The following ACTR3C variants were observed in gnomAD, a reference collection of about 807,000 sequenced individuals.
The protein encoded by ACTR3C is actin related protein 3C.
A neutral mutation model predicts 26.3 loss-of-function variants in ACTR3C; 18 were observed. The ratio of observed to expected loss-of-function variants is 0.68; its 90% CI spans 0.47 to 1.01. ACTR3C has a LOEUF of 1.01. Among genes scored for constraint, ACTR3C ranks in the 50% least tolerant of loss-of-function variants. ACTR3C has a pLI of 0.00. For missense variants in ACTR3C, 184 were observed against 250.7 expected, an observed-to-expected ratio of 0.73 and a Z score of 1.80; for synonymous variants, 55 against 94.5, an observed-to-expected ratio of 0.58 and a Z score of 2.42.
the ACTR3C span, among the ~76,000 whole-genome samples, chr7:150,124,250 T>C: frequency 6.6e-6 from 1 of 152,236 alleles, no homozygotes; most frequent in Admixed American, 6.5e-5. Flanking sequence ...TCAATAGAAG[T>C]TGCAGTTCTT....
At chr7:149,917,923 A>T in the ACTR3C span, among the ~76,000 whole-genome samples, 1 of 151,780 alleles carries the variant, frequency 6.6e-6, no homozygotes, top group South Asian at 2.1e-4. Flanking sequence ...TCACAGTTTA[A>T]ACATGGTTTT....
chr7:150,206,719 G>A, the ACTR3C span, among the ~76,000 whole-genome samples: 5 of 152,186 alleles, frequency 3.3e-5, no homozygotes, highest in Non-Finnish European at 5.9e-5. Context: ...ACCGCACCAG[G>A]CGGGTAGAGT....
chr7:150,088,896 T>C, the ACTR3C span, among the ~76,000 whole-genome samples: 2 of 152,180 alleles, frequency 1.3e-5, no homozygotes, highest in Non-Finnish European at 2.9e-5. Flanking sequence ...ATCTCAAGAA[T>C]ACATTTGGCA....
the ACTR3C span, among the ~76,000 whole-genome samples, chr7:149,911,263 C>T: frequency 6.6e-6 from 1 of 151,476 alleles, no homozygotes; most frequent in Non-Finnish European, 1.5e-5. Context: ...ATCCAACAAG[C>T]AGACCAGAAA....
intron 6 of ACTR3C, among the ~76,000 whole-genome samples, chr7:150,283,852 AG>A (rs1835547491): frequency 6.7e-6 from 1 of 150,194 alleles, no homozygotes; most frequent in Non-Finnish European, 1.5e-5. Context: ...GACTCACTCA[AG>A]CAAAGACTGA....
the ACTR3C span, among the ~76,000 whole-genome samples, chr7:150,051,439 C>T: frequency 4.0e-5 from 6 of 149,850 alleles, no homozygotes; most frequent in Admixed American, 6.7e-5. Flanking sequence ...GCAAAAGTAC[C>T]CAATGGGCAT....
chr7:150,167,140 G>C, the ACTR3C span, among the ~76,000 whole-genome samples: 1 of 150,308 alleles, frequency 6.7e-6, no homozygotes, highest in East Asian at 1.9e-4. Context: ...ATATCTCTTT[G>C]ACATACCAAT....
the ACTR3C span, among the ~76,000 whole-genome samples, chr7:150,164,058 T>A: frequency 6.6e-6 from 1 of 152,102 alleles, no homozygotes; most frequent in Non-Finnish European, 1.5e-5. Flanking sequence ...GCTGGCATCA[T>A]AGAAGAACAT....
the ACTR3C span, among the ~76,000 whole-genome samples, chr7:150,210,924 G>A: frequency 6.8e-6 from 1 of 147,200 alleles, no homozygotes; most frequent in Non-Finnish European, 1.5e-5. Flanking sequence ...ATGGTATCCA[G>A]TGTTTGCAAT....
the ACTR3C span, among the ~76,000 whole-genome samples, chr7:150,147,330 T>C: frequency 6.6e-6 from 1 of 151,814 alleles, no homozygotes; most frequent in African/African-American, 2.4e-5. Flanking sequence ...AACAGGGGAA[T>C]AAAAGCAAAA....
chr7:150,172,035 C>G, the ACTR3C span, among the ~76,000 whole-genome samples: 1 of 150,804 alleles, frequency 6.6e-6, no homozygotes, highest in African/African-American at 2.5e-5. Flanking sequence ...TGGTCTCGAT[C>G]TCCTGACCTC....
At chr7:150,042,136 C>CA in the ACTR3C span, among the ~76,000 whole-genome samples, 7 of 57,156 alleles carry the variant, frequency 1.2e-4, no homozygotes, top group Non-Finnish European at 2.0e-4. Flanking sequence ...GTCCTAAGAG[C>CA]CAGTGGGGGA....
the ACTR3C span, among the ~76,000 whole-genome samples, chr7:150,209,465 C>T: frequency 0.035 from 5,152 of 145,578 alleles, 370 homozygotes; most frequent in African/African-American, 0.14. Context: ...CTAGAATTTT[C>T]CTAGTTTTAG....
the ACTR3C span, among the ~76,000 whole-genome samples, chr7:150,110,278 C>G: frequency 3.5e-3 from 533 of 151,446 alleles, no homozygotes; most frequent in African/African-American, 0.012. Context: ...AAAGAGTTGT[C>G]TTTTTGAGCA....
At chr7:150,040,045 C>T in the ACTR3C span, among the ~76,000 whole-genome samples, 29 of 132,456 alleles carry the variant, frequency 2.2e-4, 1 homozygote, top group Non-Finnish European at 3.6e-4. Context: ...TCTGAGTCCC[C>T]GCCTCGCGGG....
chr7:150,094,266 C>T, the ACTR3C span, among the ~76,000 whole-genome samples: 1 of 149,988 alleles, frequency 6.7e-6, no homozygotes. Context: ...GATAACAGAA[C>T]CCAGAGTGAA....
the ACTR3C span, among the ~76,000 whole-genome samples, chr7:150,083,470 G>C: frequency 6.6e-6 from 1 of 152,094 alleles, no homozygotes; most frequent in African/African-American, 2.4e-5. Context: ...GGTAGGCTGA[G>C]GCAGGAGGAA....
the ACTR3C span, among the ~76,000 whole-genome samples, chr7:150,137,539 G>A: frequency 8.3e-3 from 1,265 of 152,174 alleles, 17 homozygotes; most frequent in African/African-American, 0.028. Flanking sequence ...CCTCACGTTA[G>A]CTTCCTTTTT....
chr7:150,048,365 G>C, the ACTR3C span, among the ~76,000 whole-genome samples: 1 of 150,608 alleles, frequency 6.6e-6, no homozygotes, highest in Non-Finnish European at 1.5e-5. Context: ...CCCCGCGCCC[G>C]GGACTGGCGC....
Sources: gnomAD v4.1 joint callset for allele counts (sites outside exome capture counted in the v4.1 genomes callset) on GRCh38, gnomAD v4.1.1 for gene constraint, MANE v1.5 for transcripts, NCBI Gene and HGNC (gene_info 2026-07-23, HGNC 2026-07-21) for gene names.